Variants in KIAA1614 observed in about 807,000 individuals in gnomAD.
The protein encoded by KIAA1614 is uncharacterized protein KIAA1614.
A neutral mutation model predicts 88.7 loss-of-function variants in KIAA1614; 76 were observed. The observed-to-expected ratio is 0.86, with a 90% CI of 0.71 to 1.04. The LOEUF (loss-of-function observed/expected upper bound fraction) is 1.04. Among genes scored for constraint, KIAA1614 ranks in the 50% least tolerant of loss-of-function variants. KIAA1614 has a pLI of 0.00. For missense variants in KIAA1614, 1,553 were observed against 1,582.5 expected (o/e 0.98, Z 0.32); for synonymous variants, 714 against 675.5 (o/e 1.06, Z -0.88).
At chr1:180,928,866 G>C (rs1654133162) in intron 4 of KIAA1614, among the ~76,000 whole-genome samples, 1 of 152,234 alleles carries the variant, frequency 6.6e-6, no homozygotes, top group Non-Finnish European at 1.5e-5. Context: ...CAATTATGTG[G>C]ACTGTGGTGT....
Position 180,935,606 on chromosome 1 carries a change from C to G in KIAA1614, c.1697C>G (p.Ala566Gly). ...VPRTLQELQA[A>G]CGMERVLGGL... is the part of the protein sequence containing the mutation. ...AGGACCCTCCAGGAGCTCCAGGCTGCCTGTGGGATGGAGAGGGTGCTGGGT... is the reference window on the plus strand; with the variant it reads ...AGGACCCTCCAGGAGCTCCAGGCTGGCTGTGGGATGGAGAGGGTGCTGGGT... The change falls in exon 5 of 9, where the codon GCC (alanine) becomes GGC (glycine). Residue 566 changes from alanine (A) to glycine (G), a missense_variant. By Grantham distance (60) the Ala-to-Gly change is moderately conservative (BLOSUM62 0). Coordinates refer to ENST00000367588, the MANE Select transcript of KIAA1614 (RefSeq NM_020950.2). This position sits in a 1 kb window ranked among gnomAD's most constrained non-coding sequence, Gnocchi z 6.1. 1 of 1,611,062 alleles carries G rather than the reference C, an allele frequency of 6.2e-7. No individual in the cohort carries two copies. Among genetic ancestry groups the G allele is most frequent in the South Asian group, 1.1e-5 (1 of 90,880 alleles).
chr1:180,945,671 G>A lies in KIAA1614; in HGVS notation c.*83G>A. 1 of 1,475,808 alleles carries A rather than the reference G, an allele frequency of 6.8e-7. No individual in the cohort carries two copies. Among genetic ancestry groups the A allele is most frequent in the Non-Finnish European group, 8.9e-7 (1 of 1,123,000 alleles). The allele number at this position is 1,475,808 out of a possible 1,614,324, so 91.4% of individuals were successfully genotyped here. On this transcript the variant is annotated 3_prime_UTR_variant, in exon 9 of 9. Transcript: ENST00000367588. ...CAGGGGCTCTTTCTGAATTGTCCAG[G>A]GCTCTCTAGGAGTCTGCACCTGCAG...
intron 6 of KIAA1614, 137 bp from the exon 7 acceptor site, chr1:180,940,908 G>A: frequency 2.7e-6 from 2 of 741,256 alleles, no homozygotes; most frequent in Admixed American, 3.0e-5. Context: ...CAGCCTGGTT[G>A]TTAGTTCCTG....
intron 5 of KIAA1614, among the ~76,000 whole-genome samples, chr1:180,938,268 A>G (rs973720211): frequency 1.3e-5 from 2 of 152,170 alleles, no homozygotes; most frequent in African/African-American, 2.4e-5. Flanking sequence ...TCTACTGTGG[A>G]CCAGGTGCTG....
At position 180,922,058 on chromosome 1, in the gene KIAA1614, G is replaced by A. The variant is rs114488145; in HGVS notation, c.1061+4144G>A. 7.4e-3 allele frequency among the ~76,000 whole-genome samples: 1,121 copies of A among 152,360 alleles called. 14 individuals are homozygous for A. Among genetic ancestry groups the A allele is most frequent in the African/African-American group, 0.025 (1,055 of 41,586 alleles). On this transcript the variant is annotated intron_variant, in intron 3 of 8. Transcript: ENST00000367588. ...ATCCACTTCGGAGGCTCAGGAGCCC[G>A]CGCCAGGGCGGCCAGCCCGAGGCCC...
In KIAA1614 at chr1:180,932,448, C is replaced by A. The variant is rs551529122; in HGVS notation, c.1206-2667C>A. Reference sequence around the variant, plus strand: ...TAAATATGTCATTCTACATTAAAATCTTTTCTTTGACCCAAAAGTTTATTT... The same window carrying A: ...TAAATATGTCATTCTACATTAAAATATTTTCTTTGACCCAAAAGTTTATTT... On this transcript the variant is annotated intron_variant, in intron 4 of 8. Coordinates refer to ENST00000367588, the MANE Select transcript of KIAA1614 (RefSeq NM_020950.2). Among the ~76,000 whole-genome samples the A allele has an allele frequency of 2.6e-4, 39 of 152,300 alleles. 1 individual carries two copies. Among genetic ancestry groups the A allele is most frequent in the Middle Eastern group, 3.4e-3 (1 of 294 alleles).
At chr1:180,941,008 C>A in intron 6 of KIAA1614, 37 bp from the exon 7 acceptor site, 3 of 316,586 alleles carry the variant, frequency 9.5e-6, no homozygotes, top group African/African-American at 2.3e-5. Flanking sequence ...CCCTCCCGGC[C>A]CTCCCCCGCC....
At chr1:180,940,288 G>A (rs1654426732) in intron 6 of KIAA1614, among the ~76,000 whole-genome samples, 1 of 152,190 alleles carries the variant, frequency 6.6e-6, no homozygotes, top group Non-Finnish European at 1.5e-5. Flanking sequence ...ATCACTTGAG[G>A]TCAGGAGTTC....
intron 6 of KIAA1614, 22 bp downstream of exon 6, chr1:180,938,733 C>A: frequency 6.2e-7 from 1 of 1,610,786 alleles, no homozygotes; most frequent in Non-Finnish European, 8.5e-7. Context: ...GAGAAAGAGC[C>A]AGATTGCAGA....
At chr1:180,920,628 T>C (rs1653932379) in intron 3 of KIAA1614, among the ~76,000 whole-genome samples, 1 of 150,654 alleles carries the variant, frequency 6.6e-6, no homozygotes, top group Admixed American at 6.6e-5. Context: ...GTGTCCGTAA[T>C]GGTTACTGCT....
chr1:180,918,670 T>A (rs10914132), intron 3 of KIAA1614, among the ~76,000 whole-genome samples: 28,035 of 151,910 alleles, frequency 0.18, 3,810 homozygotes, highest in African/African-American at 0.39. Flanking sequence ...CTGTCTGGTG[T>A]TGTCAGCCCC....
In KIAA1614 at chr1:180,950,394, T is replaced by C; in HGVS notation, c.*4806T>C. ...AGCATGGCCAAGCTGTACTCAGGGCTGCTGGGGGTGGGCGATGAGATCCTC... is the reference window on the plus strand; with the variant it reads ...AGCATGGCCAAGCTGTACTCAGGGCCGCTGGGGGTGGGCGATGAGATCCTC... On this transcript the variant is annotated 3_prime_UTR_variant, in exon 9 of 9. Transcript: ENST00000367588. The C allele has an allele frequency of 8.1e-7, 1 of 1,237,170 alleles. No individual in the cohort carries two copies. Among genetic ancestry groups the C allele is most frequent in the Non-Finnish European group, 1.0e-6 (1 of 961,554 alleles). The allele number at this position is 1,237,170 out of a possible 1,614,324, so 76.6% of individuals were successfully genotyped here.
chr1:180,936,407 T>C lies in KIAA1614; in HGVS notation c.2498T>C (p.Leu833Pro), dbSNP rs1654334859. Residue 833 changes from leucine to proline, a missense_variant, in exon 5 of 9, where the codon CTG (leucine) becomes CCG (proline). By Grantham distance (98) the Leu-to-Pro change is moderately conservative. Coordinates refer to ENST00000367588, the MANE Select transcript of KIAA1614 (RefSeq NM_020950.2). ...GCAGCCCTGGCTGGACTGCTCAGGC[T>C]GGGTGACCAGACAGAGCCTGTGGGT... Reference protein sequence around the residue: ...RKAALAGLLRLGDQTEPVGIP... With the variant: ...RKAALAGLLRPGDQTEPVGIP... 3 of 1,614,226 alleles carry C rather than the reference T, an allele frequency of 1.9e-6. No homozygotes were observed. The highest frequency in any genetic ancestry group is 2.5e-6 in the Non-Finnish European group (3 of 1,180,036).
At chr1:180,917,976 C>T in intron 3 of KIAA1614, 62 bp downstream of exon 3, 1 of 1,418,846 alleles carries the variant, frequency 7.0e-7, no homozygotes, top group Non-Finnish European at 9.9e-7. Context: ...TCTATTTACT[C>T]AGCATCAGGA....
intron 3 of KIAA1614, among the ~76,000 whole-genome samples, chr1:180,919,483 T>G (rs1398530491): frequency 6.6e-6 from 1 of 152,162 alleles, no homozygotes; most frequent in Non-Finnish European, 1.5e-5. Context: ...CTTCTGTCTT[T>G]TTCCCTCTTT....
intron 7 of KIAA1614, among the ~76,000 whole-genome samples, chr1:180,941,866 C>T (rs1347227515): frequency 6.6e-6 from 1 of 152,250 alleles, no homozygotes; most frequent in Non-Finnish European, 1.5e-5. Context: ...CTTCTTTTAA[C>T]ACGCTTGACC....
At chr1:180,943,851 A>G (rs1654525658) in intron 7 of KIAA1614, among the ~76,000 whole-genome samples, 2 of 152,098 alleles carry the variant, frequency 1.3e-5, no homozygotes, top group South Asian at 4.1e-4. Flanking sequence ...CCCGGCACAC[A>G]CCATCTCTTT....
In KIAA1614 at chr1:180,913,236, T is replaced by C; in HGVS notation, c.-8T>C. 7.9e-7 allele frequency: 1 copy of C among 1,263,300 alleles called. No individual in the cohort carries two copies. Among genetic ancestry groups the C allele is most frequent in the Admixed American group, 4.1e-5 (1 of 24,128 alleles). 78.3% of individuals were successfully genotyped at this position (1,263,300 alleles called of 1,614,324 possible). ...AAGGGGCTGGAGAGGGCCTGGCCTCTCCGAGGGATGGAGGGGACAGAGGCG... is the reference window on the plus strand; with the variant it reads ...AAGGGGCTGGAGAGGGCCTGGCCTCCCCGAGGGATGGAGGGGACAGAGGCG... On this transcript the variant is annotated 5_prime_UTR_variant, in exon 1 of 9. Coordinates refer to ENST00000367588, the MANE Select transcript of KIAA1614 (RefSeq NM_020950.2).
At chr1:180,939,877 G>A (rs949407284) in intron 6 of KIAA1614, among the ~76,000 whole-genome samples, 2 of 152,102 alleles carry the variant, frequency 1.3e-5, no homozygotes, top group Non-Finnish European at 2.9e-5. Context: ...TCATGGCCTG[G>A]CCCCTTTCTG....
Sources: gnomAD v4.1 joint callset for allele counts (sites outside exome capture counted in the v4.1 genomes callset) on GRCh38, gnomAD v4.1.1 for gene constraint, Gnocchi (gnomAD v3.1) non-coding constraint, MANE v1.5 for transcripts, NCBI Gene and HGNC (gene_info 2026-07-23, HGNC 2026-07-21) for gene names.